Variants in SUGCT observed in about 807,000 individuals in gnomAD.
SUGCT encodes succinyl-CoA:glutarate CoA-transferase.
A neutral mutation model predicts 55.0 loss-of-function variants in SUGCT; 41 were observed. That is an observed-to-expected ratio of 0.74 (90% CI 0.58 to 0.97). The LOEUF (loss-of-function observed/expected upper bound fraction) is 0.97, where lower values mean the gene tolerates loss of function less well. Among genes scored for constraint, SUGCT ranks in the 50% least tolerant of loss-of-function variants. The pLI is 0.00. For synonymous variants in SUGCT, 187 were observed against 200.4 expected (o/e 0.93, Z 0.56); for missense variants, 568 against 547.8 (o/e 1.04, Z -0.37).
chr7:40,787,660 C>CAAA (rs55764379), intron 13 of SUGCT, among the ~76,000 whole-genome samples: 922 of 48,052 alleles, frequency 0.019, 31 homozygotes, highest in East Asian at 0.05. Context: ...AAATTTTGAC[C>CAAA]AAAAAAAAAA....
At chr7:40,695,183 ATTTATTTATTT>A in intron 12 of SUGCT, among the ~76,000 whole-genome samples, 1 of 147,014 alleles carries the variant, frequency 6.8e-6, no homozygotes, top group Non-Finnish European at 1.5e-5. Context: ...TTATTTATTT[ATTTATTTATTT>A]ATTTATTTAT....
At chr7:40,472,620 C>G (rs1387732664) in intron 11 of SUGCT, among the ~76,000 whole-genome samples, 1 of 151,902 alleles carries the variant, frequency 6.6e-6, no homozygotes, top group Non-Finnish European at 1.5e-5. Context: ...GAATATACAT[C>G]CATTTTTAAG....
intron 6 of SUGCT, among the ~76,000 whole-genome samples, chr7:40,209,269 G>A (rs149639016): frequency 9.4e-4 from 139 of 148,484 alleles, no homozygotes; most frequent in East Asian, 1.4e-3. Context: ...TTGGGAGGCC[G>A]AGGCAGGAGG....
chr7:40,472,371 T>C (rs1307134915), intron 11 of SUGCT, among the ~76,000 whole-genome samples: 1 of 152,182 alleles, frequency 6.6e-6, no homozygotes, highest in Non-Finnish European at 1.5e-5. Context: ...AGATCTTTTT[T>C]ACTGCATGGG....
chr7:40,561,708 T>C (rs1010278832), intron 12 of SUGCT, among the ~76,000 whole-genome samples: 3 of 148,516 alleles, frequency 2.0e-5, no homozygotes, highest in Non-Finnish European at 4.5e-5. Context: ...TTTTTTTTTT[T>C]TGAGATGGAG....
intron 13 of SUGCT, among the ~76,000 whole-genome samples, chr7:40,811,164 G>A (rs1453344756): frequency 2.0e-5 from 3 of 152,056 alleles, no homozygotes; most frequent in Non-Finnish European, 4.4e-5. Context: ...GTTAGTTACT[G>A]TAGCCTTATA....
chr7:40,682,122 T>C (rs1005216895), intron 12 of SUGCT, among the ~76,000 whole-genome samples: 2 of 152,210 alleles, frequency 1.3e-5, no homozygotes, highest in Non-Finnish European at 2.9e-5. Context: ...GGAATTTCCC[T>C]TGAAGGAGCT....
At chr7:40,644,836 T>A (rs534937118) in intron 12 of SUGCT, among the ~76,000 whole-genome samples, 17 of 152,268 alleles carry the variant, frequency 1.1e-4, no homozygotes, top group Admixed American at 5.2e-4. Flanking sequence ...CAGACTGGCT[T>A]ATGGGGTTTA....
the SUGCT span, among the ~76,000 whole-genome samples, chr7:40,970,957 T>TA: frequency 6.6e-6 from 1 of 152,180 alleles, no homozygotes; most frequent in Non-Finnish European, 1.5e-5. Context: ...CTTACGTTTT[T>TA]AAAAAATCAG....
chr7:40,938,747 A>G, the SUGCT span, among the ~76,000 whole-genome samples: 1 of 152,200 alleles, frequency 6.6e-6, no homozygotes. Flanking sequence ...AAAGTCCACT[A>G]TACCACTCTG....
intron 12 of SUGCT, among the ~76,000 whole-genome samples, chr7:40,663,065 A>G (rs1260383702): frequency 6.6e-6 from 1 of 152,220 alleles, no homozygotes; most frequent in Non-Finnish European, 1.5e-5. Flanking sequence ...AGGCAGGTTT[A>G]GTACTTTAAA....
intron 12 of SUGCT, among the ~76,000 whole-genome samples, chr7:40,541,313 T>G (rs576374085): frequency 5.3e-4 from 80 of 152,336 alleles, no homozygotes; most frequent in African/African-American, 1.8e-3. Context: ...CAACATGGAC[T>G]GCTGTTGATA....
intron 8 of SUGCT, among the ~76,000 whole-genome samples, chr7:40,306,317 A>G (rs1794852894): frequency 6.6e-6 from 1 of 152,170 alleles, no homozygotes; most frequent in East Asian, 1.9e-4. Context: ...AATTCTCTTT[A>G]TCAAAAAATG....
chr7:40,495,148 G>T (rs1356783739), intron 11 of SUGCT, among the ~76,000 whole-genome samples: 1 of 151,670 alleles, frequency 6.6e-6, no homozygotes, highest in Non-Finnish European at 1.5e-5. Flanking sequence ...CTGACCTCAG[G>T]TGATCCACCC....
chr7:40,609,979 G>A (rs1470258938), intron 12 of SUGCT, among the ~76,000 whole-genome samples: 1 of 152,182 alleles, frequency 6.6e-6, no homozygotes, highest in Non-Finnish European at 1.5e-5. Context: ...CATTTATTGA[G>A]CTCTTGGTAT....
At chr7:40,902,903 C>T in the SUGCT span, among the ~76,000 whole-genome samples, 1 of 152,250 alleles carries the variant, frequency 6.6e-6, no homozygotes, top group South Asian at 2.1e-4. Flanking sequence ...AACTAGAAAA[C>T]ACCATAGGCA....
chr7:40,987,172 C>T, the SUGCT span, among the ~76,000 whole-genome samples: 5 of 152,214 alleles, frequency 3.3e-5, no homozygotes, highest in South Asian at 2.1e-4. Context: ...AGGGTAAAAA[C>T]GTGGTCCTCA....
At chr7:40,206,464 A>G (rs945645679) in intron 6 of SUGCT, among the ~76,000 whole-genome samples, 1 of 152,188 alleles carries the variant, frequency 6.6e-6, no homozygotes, top group Admixed American at 6.5e-5. Flanking sequence ...AAGATCAGGG[A>G]TTTTGATGGA....
At chr7:40,755,211 A>AGG (rs1408180776) in intron 13 of SUGCT, among the ~76,000 whole-genome samples, 6 of 152,326 alleles carry the variant, frequency 3.9e-5, no homozygotes, top group Admixed American at 3.3e-4. Flanking sequence ...TGAGGAGTGA[A>AGG]GGTAGGACTT....
Sources: gnomAD v4.1 joint callset for allele counts (sites outside exome capture counted in the v4.1 genomes callset) on GRCh38, gnomAD v4.1.1 for gene constraint, MANE v1.5 for transcripts, NCBI Gene and HGNC (gene_info 2026-07-23, HGNC 2026-07-21) for gene names.